The following CEACAM16 variants were observed in gnomAD, a reference collection of about 807,000 sequenced individuals.
CEACAM16 encodes cell adhesion molecule CEACAM16.
A neutral mutation model predicts 39.4 loss-of-function variants in CEACAM16; 30 were observed. That is an observed-to-expected ratio of 0.76 (90% CI 0.57 to 1.03). The LOEUF is 1.03. Ranked by LOEUF, CEACAM16 falls within the 50% of genes least tolerant of loss-of-function variation. CEACAM16 has a pLI of 0.00. For synonymous variants in CEACAM16, 262 were observed against 264.9 expected (o/e 0.99, Z 0.11); for missense variants, 521 against 585.3 (o/e 0.89, Z 1.13).
intron 6 of CEACAM16, among the ~76,000 whole-genome samples, chr19:44,709,445 A>T (rs1271224816): frequency 1.4e-5 from 2 of 142,274 alleles, no homozygotes; most frequent in Non-Finnish European, 3.1e-5. Context: ...TGTCTCCTTC[A>T]TCAGACTGGG....
chr19:44,705,779 C>G lies in CEACAM16; in HGVS notation c.851C>G (p.Thr284Arg). 6.2e-7 allele frequency: 1 copy of G among 1,614,036 alleles called. No individual in the cohort carries two copies. Among genetic ancestry groups the G allele is most frequent in the Non-Finnish European group, 8.5e-7 (1 of 1,179,898 alleles). ...GQDHLNISSMTAAQEGTYTCI... is the reference protein window; with the variant it reads ...GQDHLNISSMRAAQEGTYTCI... ...GACCACCTCAACATCAGCAGCATGA[C>G]AGCCGCCCAGGAGGGGACGTACACA... is the stretch of plus-strand genomic sequence containing the variant. Residue 284 changes from threonine to arginine, a missense_variant, in exon 5 of 7, where the codon ACA becomes AGA. Transcript: ENST00000587331.
Position 44,704,188 on chromosome 19 carries a change from G to A in CEACAM16, c.553G>A (p.Val185Met), listed in dbSNP as rs1010646367. The change falls in exon 4 of 7, where the codon GTG becomes ATG. Residue 185 changes from valine (V) to methionine (M), a missense_variant. Physicochemically the swap from Val to Met is conservative, Grantham distance 21. Transcript: ENST00000587331. Reference protein sequence around the residue: ...LRLGLSPDGRVLARHGIRREE... With the variant: ...LRLGLSPDGRMLARHGIRREE... ...CCTGGGCCTGTCCCCTGACGGCCGG[G>A]TGCTGGCCAGGCATGGCATCCGCCG... is the stretch of plus-strand genomic sequence containing the variant. The A allele has an allele frequency of 6.4e-7, 1 of 1,569,292 alleles. No individual in the cohort carries two copies. The highest frequency in any genetic ancestry group is 8.6e-7 in the Non-Finnish European group (1 of 1,157,726).
At chr19:44,710,405 G>A (rs1316100754) in intron 6 of CEACAM16, 91 bp from the exon 7 acceptor site, 3 of 1,455,950 alleles carry the variant, frequency 2.1e-6, no homozygotes, top group African/African-American at 1.4e-5. Flanking sequence ...CCCGGGGTGG[G>A]CAGGGGAGCA....
chr19:44,710,599 G>T lies in CEACAM16; in HGVS notation c.*93G>T. On this transcript the variant is annotated 3_prime_UTR_variant, in exon 7 of 7. Transcript: ENST00000587331. ...GTGGGAACCACTCCCCCACAGCGAGGATGCCAGGCTGTGGTCCTGCTGTTC... is the reference window on the plus strand; with the variant it reads ...GTGGGAACCACTCCCCCACAGCGAGTATGCCAGGCTGTGGTCCTGCTGTTC... 6.4e-7 allele frequency: 1 copy of T among 1,557,554 alleles called. No homozygotes were observed. Among genetic ancestry groups the T allele is most frequent in the Non-Finnish European group, 8.9e-7 (1 of 1,129,668 alleles).
intron 2 of CEACAM16, 33 bp from the exon 3 acceptor site, chr19:44,703,315 GC>G (rs1435463928): frequency 2.5e-6 from 4 of 1,576,120 alleles, no homozygotes; most frequent in Non-Finnish European, 3.5e-6. Flanking sequence ...GATCAAACCT[GC>G]CTCATCCAAC....
In CEACAM16 at chr19:44,710,688, C is replaced by A; in HGVS notation, c.*182C>A. 1 of 730,844 alleles carries A rather than the reference C, an allele frequency of 1.4e-6. No individual in the cohort carries two copies. Among genetic ancestry groups the A allele is most frequent in the Non-Finnish European group, 2.2e-6 (1 of 447,014 alleles). 45.3% of individuals were successfully genotyped at this position (730,844 alleles called of 1,614,324 possible). ...CTCCCTCGCTGAGCTGTTGGGGAGC[C>A]ACCGAGGCCATAAACGTCCTGGTTA... On this transcript the variant is annotated 3_prime_UTR_variant, in exon 7 of 7. Coordinates refer to ENST00000587331, the MANE Select transcript of CEACAM16 (RefSeq NM_001039213.4).
chr19:44,705,710 A>G lies in CEACAM16; in HGVS notation c.782A>G (p.Glu261Gly). The G allele has an allele frequency of 1.2e-6, 2 of 1,613,954 alleles. No individual in the cohort carries two copies. Among genetic ancestry groups the G allele is most frequent in the Non-Finnish European group, 1.7e-6 (2 of 1,179,876 alleles). ...GTGTCCAGGTCCTGCCCAGAGCCCG[A>G]GTATGTGTGGACCTTCAACGGGCAG... is the stretch of plus-strand genomic sequence containing the variant. Reference protein sequence around the residue: ...WCVSRSCPEPEYVWTFNGQAL... With the variant: ...WCVSRSCPEPGYVWTFNGQAL... Residue 261 changes from glutamate to glycine, a missense_variant, in exon 5 of 7, where the codon GAG becomes GGG. By Grantham distance (98) the Glu-to-Gly change is moderately conservative. Transcript: ENST00000587331.
At position 44,701,427 on chromosome 19, in the gene CEACAM16, C is replaced by G; in HGVS notation, c.-30C>G. On this transcript the variant is annotated 5_prime_UTR_variant, in exon 2 of 7. Coordinates refer to ENST00000587331, the MANE Select transcript of CEACAM16 (RefSeq NM_001039213.4). This position sits in a 1 kb window ranked among gnomAD's most constrained non-coding sequence, Gnocchi z 4.0. ...TCCGAGCACTGGGACTTCAACGCCA[C>G]CATCTCCAAGACTCGGTTTGGGGTG... is the stretch of plus-strand genomic sequence containing the variant. 1 of 1,557,534 alleles carries G rather than the reference C, an allele frequency of 6.4e-7. No individual in the cohort carries two copies.
chr19:44,706,715 G>C (rs1409835746), intron 5 of CEACAM16, among the ~76,000 whole-genome samples: 1 of 152,206 alleles, frequency 6.6e-6, no homozygotes, highest in African/African-American at 2.4e-5. Context: ...GGATGGACCA[G>C]ATGACCTCAG....
chr19:44,709,536 CGGGAGCTCCCAGAGTCAGGGTCT>C (rs1568530065), intron 6 of CEACAM16, among the ~76,000 whole-genome samples: 1,481 of 67,084 alleles, frequency 0.022, 323 homozygotes, highest in African/African-American at 0.053. Context: ...TCCATCAGAC[CGGGAGCTCCCAGAGTCAGGGTCT>C]ATGTCTCCTC....
chr19:44,702,664 T>C lies in CEACAM16; in HGVS notation c.38-685T>C, dbSNP rs193079073. ...TGTTCATCTTACCCCTGCTTTCCGC[T>C]GTAGGCGAGCTTGGAGAGGCAGAGG... On this transcript the variant is annotated intron_variant, in intron 2 of 6. Coordinates refer to ENST00000587331, the MANE Select transcript of CEACAM16 (RefSeq NM_001039213.4). Among the ~76,000 whole-genome samples the C allele has an allele frequency of 2.7e-3, 415 of 152,380 alleles. 2 individuals carry two copies. Among genetic ancestry groups the C allele is most frequent in the African/African-American group, 9.1e-3 (377 of 41,598 alleles).
rs1325241184 is a variant in CEACAM16, at chr19:44,704,304, CT to C, written c.661+9del. ...TCAACCTGACCGTGTACTGTGAGTC[CT>C]CCTGGCCCCACTGGAGATACCCAGT... is the stretch of plus-strand genomic sequence containing the variant. On this transcript the variant is annotated intron_variant, in intron 4 of 6. Coordinates refer to ENST00000587331, the MANE Select transcript of CEACAM16 (RefSeq NM_001039213.4). The C allele has an allele frequency of 6.7e-7, 1 of 1,485,942 alleles. No individual in the cohort carries two copies. The highest frequency in any genetic ancestry group is 2.5e-5 in the East Asian group (1 of 40,140). 92.0% of individuals were successfully genotyped at this position (1,485,942 alleles called of 1,614,324 possible).
At chr19:44,699,877 G>A (rs1322192663) in intron 1 of CEACAM16, among the ~76,000 whole-genome samples, 1 of 152,184 alleles carries the variant, frequency 6.6e-6, no homozygotes, top group Non-Finnish European at 1.5e-5. Context: ...CCAGGCTGGA[G>A]TGCAGTGGCA....
chr19:44,706,263 T>C (rs17715087), intron 5 of CEACAM16, among the ~76,000 whole-genome samples: 80,463 of 142,754 alleles, frequency 0.56, 23,022 homozygotes, highest in South Asian at 0.65. Context: ...ACCCAGATGA[T>C]GGGTATACAC....
Position 44,705,570 on chromosome 19 carries a change from T to G in CEACAM16, c.662-20T>G, listed in dbSNP as rs1392780312. 6.3e-7 allele frequency: 1 copy of G among 1,576,092 alleles called. No homozygotes were observed. The highest frequency in any genetic ancestry group is 2.3e-5 in the East Asian group (1 of 44,318). On this transcript the variant is annotated intron_variant, in intron 4 of 6. Transcript: ENST00000587331. The stretch of plus-strand genomic sequence containing the variant: ...CTCCTTCCCTCTACTGCCCCATCTA[T>G]CTCCCTCCTGCCCCCACAGTTGGCC...
At chr19:44,700,088 C>T (rs1482667387) in intron 1 of CEACAM16, among the ~76,000 whole-genome samples, 1 of 152,212 alleles carries the variant, frequency 6.6e-6, no homozygotes, top group Non-Finnish European at 1.5e-5. Flanking sequence ...TCGCTGCAAC[C>T]TCCACCTCCT....
chr19:44,708,076 T>G lies in CEACAM16; in HGVS notation c.1156T>G (p.Cys386Gly). 6.2e-7 allele frequency: 1 copy of G among 1,612,488 alleles called. No homozygotes were observed. Among genetic ancestry groups the G allele is most frequent in the Non-Finnish European group, 8.5e-7 (1 of 1,179,462 alleles). ...AGGCCGGGAGGTGGGCTTCCCCAAC[T>G]GCTCGCTGTTGGTGCAGAAGCTGAA... ...HTGREVGFPN[C>G]SLLVQKLNLT... The change falls in exon 6 of 7, where the codon TGC becomes GGC. Residue 386 changes from cysteine (C) to glycine (G), a missense_variant. Physicochemically the swap from Cys to Gly is radical, Grantham distance 159. Transcript: ENST00000587331.
At chr19:44,703,951 G>C in intron 3 of CEACAM16, 67 bp from the exon 4 acceptor site, 1 of 1,482,422 alleles carries the variant, frequency 6.7e-7, no homozygotes, top group Non-Finnish European at 9.0e-7. Context: ...CCCCTTGTTG[G>C]GGGAAGGGAA....
chr19:44,701,418 T>C lies in CEACAM16; in HGVS notation c.-39T>C, dbSNP rs1262333637. On this transcript the variant is annotated 5_prime_UTR_variant, in exon 2 of 7. Coordinates refer to ENST00000587331, the MANE Select transcript of CEACAM16 (RefSeq NM_001039213.4). The surrounding 1 kb of genome is among the most constrained non-coding windows in gnomAD (Gnocchi z 4.0). ...GGAAGGGAGTCCGAGCACTGGGACT[T>C]CAACGCCACCATCTCCAAGACTCGG... 3 of 1,555,044 alleles carry C rather than the reference T, an allele frequency of 1.9e-6. No individual in the cohort carries two copies. Among genetic ancestry groups the C allele is most frequent in the Non-Finnish European group, 1.7e-6 (2 of 1,148,636 alleles).
Sources: gnomAD v4.1 joint callset for allele counts (sites outside exome capture counted in the v4.1 genomes callset) on GRCh38, gnomAD v4.1.1 for gene constraint, Gnocchi (gnomAD v3.1) non-coding constraint, MANE v1.5 for transcripts, NCBI Gene and HGNC (gene_info 2026-07-23, HGNC 2026-07-21) for gene names.